Variants in RNF144A observed in about 807,000 individuals in gnomAD.
The protein encoded by RNF144A is ring finger protein 144A, also known as E3 ubiquitin-protein ligase RNF144A.
In RNF144A, 11 loss-of-function variants were observed where a neutral mutation model predicts 38.7. That is an observed-to-expected ratio of 0.28 (90% confidence interval 0.18 to 0.47). The LOEUF is 0.47. Ranked by LOEUF, RNF144A falls within the 20% of genes least tolerant of loss-of-function variation. The pLI, the probability that RNF144A is intolerant of heterozygous loss-of-function variation, is 0.99. For missense variants in RNF144A, 316 were observed against 377.2 expected (o/e 0.84, Z 1.34); for synonymous variants, 149 against 143.9 (o/e 1.04, Z -0.25).
At chr2:7,066,092 C>A (rs200347695) in intron 6 of RNF144A, among the ~76,000 whole-genome samples, 2 of 136,664 alleles carry the variant, frequency 1.5e-5, no homozygotes, top group Admixed American at 7.2e-5. Context: ...TTTTTTTTTT[C>A]TTTTTTTCTT....
chr2:7,006,990 C>T (rs1257296614), intron 3 of RNF144A, among the ~76,000 whole-genome samples: 2 of 152,128 alleles, frequency 1.3e-5, no homozygotes, highest in African/African-American at 4.8e-5. Context: ...ACTCTGGAAG[C>T]CTTTGCACAC....
At chr2:6,991,998 T>G (rs1180556442) in intron 2 of RNF144A, among the ~76,000 whole-genome samples, 1 of 152,210 alleles carries the variant, frequency 6.6e-6, no homozygotes, top group Non-Finnish European at 1.5e-5. Flanking sequence ...ACTGGTGACA[T>G]GGTAGACCTC....
intron 6 of RNF144A, among the ~76,000 whole-genome samples, chr2:7,061,194 C>T (rs902478226): frequency 3.3e-5 from 5 of 152,166 alleles, no homozygotes; most frequent in African/African-American, 7.2e-5. Context: ...TAATTCCCGA[C>T]GTCCAGGCAA....
chr2:7,034,849 C>T (rs1672557174), intron 8 of RNF144A, among the ~76,000 whole-genome samples: 1 of 152,186 alleles, frequency 6.6e-6, no homozygotes, highest in Non-Finnish European at 1.5e-5. Context: ...CTGGGGCCGG[C>T]TGGGGAGCCT....
intron 6 of RNF144A, among the ~76,000 whole-genome samples, 166 bp from the exon 7 acceptor site, chr2:7,024,203 T>C (rs567405565): frequency 6.6e-6 from 1 of 152,246 alleles, no homozygotes; most frequent in African/African-American, 2.4e-5. Context: ...AATTTTTTTT[T>C]TCTGGAGTTT....
At chr2:7,039,520 GTGGATGGATGGA>G (rs530628262) in intron 8 of RNF144A, 97 bp from the exon 9 acceptor site, 7 of 1,523,130 alleles carry the variant, frequency 4.6e-6, no homozygotes, top group Non-Finnish European at 3.5e-6. Flanking sequence ...GGATGGTTGG[GTGGATGGATGGA>G]TGGATGGATG....
rs189870424 is a variant in RNF144A at position 6,960,792 on chromosome 2, G to A, written c.-12+19645G>A. Among the ~76,000 whole-genome samples the A allele has an allele frequency of 4.6e-5, 7 of 152,286 alleles. No individual in the cohort carries two copies. The East Asian group carries it at 7.7e-4, about 17-fold the overall frequency. The stretch of plus-strand genomic sequence containing the variant: ...TTTCTCCTTCACCGCAGACAGGCAG[G>A]TCTGTGGCAGTTTCAGGCTCTCTGC... On this transcript the variant is annotated intron_variant, in intron 2 of 8. Coordinates refer to ENST00000320892, the MANE Select transcript of RNF144A (RefSeq NM_014746.6).
chr2:6,982,958 G>A (rs538040834), intron 2 of RNF144A, among the ~76,000 whole-genome samples: 17 of 152,324 alleles, frequency 1.1e-4, no homozygotes, highest in Admixed American at 4.6e-4. Context: ...TGATTTGCTT[G>A]TCATTCCCAG....
chr2:7,043,116 C>T lies in RNF144A; in HGVS notation c.*3356C>T, dbSNP rs1382482544. On this transcript the variant is annotated 3_prime_UTR_variant, in exon 9 of 9. Transcript: ENST00000320892. Reference sequence around the variant, plus strand: ...CTCCTGACCTCAGGTGATCTGCCCACCTCGGCTTCCCAAAGTGCTGGAATT... The same window carrying T: ...CTCCTGACCTCAGGTGATCTGCCCATCTCGGCTTCCCAAAGTGCTGGAATT... The T allele has an allele frequency of 5.6e-6, 5 of 893,966 alleles. No individual in the cohort carries two copies. Among genetic ancestry groups the T allele is most frequent in the Non-Finnish European group, 6.7e-6 (5 of 746,776 alleles). 55.4% of individuals were successfully genotyped at this position (893,966 alleles called of 1,614,324 possible).
intron 2 of RNF144A, among the ~76,000 whole-genome samples, chr2:6,954,400 C>CCTAA (rs1293694356): frequency 2.2e-4 from 33 of 151,972 alleles, no homozygotes; most frequent in Admixed American, 1.8e-3. Flanking sequence ...TTCTAAAAAC[C>CCTAA]CTAAGAGCCT....
chr2:7,010,153 G>A (rs1017226831), intron 3 of RNF144A, among the ~76,000 whole-genome samples: 1 of 152,156 alleles, frequency 6.6e-6, no homozygotes, highest in Non-Finnish European at 1.5e-5. Flanking sequence ...GCAATATTCC[G>A]GAGCACCGCT....
chr2:7,017,850 G>A (rs1212684030), intron 5 of RNF144A, among the ~76,000 whole-genome samples: 1 of 152,244 alleles, frequency 6.6e-6, no homozygotes, highest in Admixed American at 6.5e-5. Flanking sequence ...GACATTTGCA[G>A]TCTGCAGTCA....
chr2:7,043,546 C>T lies in RNF144A; in HGVS notation c.*3786C>T. ...TTCATGAAGTTCTCTTTAAAAAATA[C>T]CAAAGCTTGTTTATTTCTGATAATT... is the stretch of plus-strand genomic sequence containing the variant. On this transcript the variant is annotated 3_prime_UTR_variant, in exon 9 of 9. Coordinates refer to ENST00000320892, the MANE Select transcript of RNF144A (RefSeq NM_014746.6). The T allele has an allele frequency of 2.0e-6, 2 of 985,556 alleles. No homozygotes were observed. Among genetic ancestry groups the T allele is most frequent in the Non-Finnish European group, 2.4e-6 (2 of 829,778 alleles). The allele number at this position is 985,556 out of a possible 1,614,324, so 61.1% of individuals were successfully genotyped here. A position where few individuals can be genotyped will look rare whatever the true frequency, so the allele number is the denominator to read the frequency against.
chr2:7,006,066 A>G (rs1670424129), intron 3 of RNF144A, among the ~76,000 whole-genome samples: 1 of 151,802 alleles, frequency 6.6e-6, no homozygotes, highest in Non-Finnish European at 1.5e-5. Flanking sequence ...GTTGCCCCTG[A>G]AATCATGACA....
chr2:6,990,281 C>T (rs912641447), intron 2 of RNF144A, among the ~76,000 whole-genome samples: 3 of 151,828 alleles, frequency 2.0e-5, no homozygotes, highest in African/African-American at 4.8e-5. Flanking sequence ...GGAGCTCTCT[C>T]GTCCTCTTCT....
At chr2:7,027,359 A>G (rs1262262159) in intron 7 of RNF144A, among the ~76,000 whole-genome samples, 1 of 152,256 alleles carries the variant, frequency 6.6e-6, no homozygotes, top group Non-Finnish European at 1.5e-5. Flanking sequence ...GGCAGTAGAT[A>G]GTTAATGTTT....
chr2:7,053,206 G>A lies in RNF144A; in HGVS notation c.735-15010G>A, dbSNP rs563610524. On this transcript the variant is annotated intron_variant, in intron 6 of 6. Coordinates refer to the RNF144A transcript ENST00000432850. ...AAATGTGGTTTTAGACCAGAAGCAT[G>A]AGCATTGCCTGAGAATTAGTCGTAA... is the stretch of plus-strand genomic sequence containing the variant. 4.6e-5 allele frequency among the ~76,000 whole-genome samples: 7 copies of A among 152,326 alleles called. No homozygotes were observed. The South Asian group carries it at 1.5e-3, about 32-fold the overall frequency.
chr2:6,986,090 CTGCACAGGTTTAG>C (rs1418094982), intron 2 of RNF144A, among the ~76,000 whole-genome samples: 7 of 152,122 alleles, frequency 4.6e-5, no homozygotes, highest in African/African-American at 1.7e-4. Flanking sequence ...GGAATGAAGG[CTGCACAGGTTTAG>C]AGAAAGGATG....
At chr2:7,003,005 A>C (rs1470006023) in intron 3 of RNF144A, among the ~76,000 whole-genome samples, 5 of 152,144 alleles carry the variant, frequency 3.3e-5, no homozygotes, top group Non-Finnish European at 7.4e-5. Context: ...AAAAAAAATA[A>C]AAAAATTTAC....
Sources: gnomAD v4.1 joint callset for allele counts (sites outside exome capture counted in the v4.1 genomes callset) on GRCh38, gnomAD v4.1.1 for gene constraint, MANE v1.5 for transcripts, NCBI Gene and HGNC (gene_info 2026-07-23, HGNC 2026-07-21) for gene names.